The following SAMD4A variants were observed in gnomAD, a reference collection of about 807,000 sequenced individuals.
The protein encoded by SAMD4A is sterile alpha motif domain containing 4A, also known as protein Smaug homolog 1.
SAMD4A carries 33 observed loss-of-function variants against 81.3 expected under a neutral mutation model. That is an observed-to-expected ratio of 0.41 (90% CI 0.31 to 0.54). The LOEUF is 0.54. SAMD4A is among the 20% of genes least tolerant of loss of function. The pLI is 0.37. For missense variants in SAMD4A, 854 were observed against 951.1 expected (o/e 0.90, Z 1.34); for synonymous variants, 389 against 382.1 (o/e 1.02, Z -0.21).
chr14:54,706,476 A>G (rs1334043993), intron 3 of SAMD4A, among the ~76,000 whole-genome samples: 1 of 151,706 alleles, frequency 6.6e-6, no homozygotes. Flanking sequence ...ATGGTGGTGC[A>G]TGCCTGTAAT....
At chr14:54,676,594 G>T (rs1268359305) in intron 2 of SAMD4A, among the ~76,000 whole-genome samples, 2 of 152,068 alleles carry the variant, frequency 1.3e-5, no homozygotes, top group African/African-American at 2.4e-5. Flanking sequence ...TGTTGGCAAG[G>T]CTGGTCTCAA....
chr14:54,566,565 C>T (rs998518289), upstream of SAMD4A, among the ~76,000 whole-genome samples: 3 of 151,730 alleles, frequency 2.0e-5, no homozygotes, highest in African/African-American at 7.2e-5. Flanking sequence ...GTGCCTGCGG[C>T]GCCGATCCGC....
chr14:54,599,832 T>A (rs1340751528), intron 2 of SAMD4A, among the ~76,000 whole-genome samples: 1 of 152,204 alleles, frequency 6.6e-6, no homozygotes, highest in Non-Finnish European at 1.5e-5. Flanking sequence ...ATTCTTCATA[T>A]TACAGGTCAA....
At chr14:54,738,581 G>A (rs1385242583) in intron 4 of SAMD4A, among the ~76,000 whole-genome samples, 3 of 152,232 alleles carry the variant, frequency 2.0e-5, no homozygotes, top group African/African-American at 4.8e-5. Context: ...TGGGTACGAA[G>A]GGGATGTATG....
intron 2 of SAMD4A, chr14:54,681,683 T>C (rs964694711): frequency 2.1e-6 from 1 of 466,494 alleles, no homozygotes; most frequent in Non-Finnish European, 2.8e-6. Context: ...CCTCCCACTT[T>C]GGCCTCCTAA....
intron 2 of SAMD4A, among the ~76,000 whole-genome samples, chr14:54,696,250 C>A (rs2036575398): frequency 6.6e-6 from 1 of 152,176 alleles, no homozygotes; most frequent in Non-Finnish European, 1.5e-5. Context: ...TTTTCAGGTG[C>A]CCTGGGCTGA....
intron 2 of SAMD4A, among the ~76,000 whole-genome samples, chr14:54,600,523 G>T (rs1321350169): frequency 1.3e-5 from 2 of 152,142 alleles, no homozygotes; most frequent in Non-Finnish European, 2.9e-5. Context: ...CAGTGTCTTT[G>T]TGATTGAGTT....
chr14:54,655,965 G>A (rs1477332854), intron 2 of SAMD4A, among the ~76,000 whole-genome samples: 2 of 152,052 alleles, frequency 1.3e-5, no homozygotes, highest in Non-Finnish European at 2.9e-5. Context: ...GTTTTGGTGA[G>A]GAAAGGAGTT....
Position 54,789,222 on chromosome 14 carries a change from G to A in SAMD4A, c.*278G>A. 1 of 534,390 alleles carries A rather than the reference G, an allele frequency of 1.9e-6. No individual in the cohort carries two copies. Among genetic ancestry groups the A allele is most frequent in the Non-Finnish European group, 3.4e-6 (1 of 296,340 alleles). 33.1% of individuals were successfully genotyped at this position (534,390 alleles called of 1,614,324 possible). A position where few individuals can be genotyped will look rare whatever the true frequency, so the allele number is the denominator to read the frequency against. Reference sequence around the variant, plus strand: ...GGAATTATGAGACTGGGAGGGGGGTGGAGGGAATGCAGGTAGCTCTCTGGA... The same window carrying A: ...GGAATTATGAGACTGGGAGGGGGGTAGAGGGAATGCAGGTAGCTCTCTGGA... On this transcript the variant is annotated 3_prime_UTR_variant, in exon 13 of 13. Transcript: ENST00000554335.
At chr14:54,676,079 C>T (rs997254949) in intron 2 of SAMD4A, among the ~76,000 whole-genome samples, 3 of 152,172 alleles carry the variant, frequency 2.0e-5, no homozygotes, top group Admixed American at 6.5e-5. Context: ...AGCAAGGCCG[C>T]GACTCAATAC....
At chr14:54,786,040 A>G (rs74814319) in intron 12 of SAMD4A, among the ~76,000 whole-genome samples, 2,821 of 152,306 alleles carry the variant, frequency 0.019, 79 homozygotes, top group African/African-American at 0.064. Context: ...TTTACCTCAT[A>G]GAGGAGACTG....
chr14:54,675,744 G>A (rs181717980), intron 2 of SAMD4A, among the ~76,000 whole-genome samples: 9 of 152,328 alleles, frequency 5.9e-5, no homozygotes, highest in Admixed American at 1.3e-4. Flanking sequence ...TTTTGAAAGT[G>A]AGGCGAGAGT....
intron 3 of SAMD4A, among the ~76,000 whole-genome samples, chr14:54,719,143 G>C (rs555850250): frequency 1.3e-5 from 2 of 152,220 alleles, no homozygotes; most frequent in South Asian, 2.1e-4. Flanking sequence ...ACAAGGATTT[G>C]AATGGGGCTT....
intron 2 of SAMD4A, among the ~76,000 whole-genome samples, chr14:54,672,080 T>C (rs941177398): frequency 1.3e-5 from 2 of 151,608 alleles, no homozygotes; most frequent in African/African-American, 4.8e-5. Context: ...GAATTTGTTT[T>C]TGTTTTTAAT....
At chr14:54,623,482 G>GAAAAAAAAAAAA (rs1566552666) in intron 2 of SAMD4A, among the ~76,000 whole-genome samples, 1 of 4,086 alleles carries the variant, frequency 2.4e-4, no homozygotes, top group Non-Finnish European at 5.0e-4. Flanking sequence ...TTGGACATCA[G>GAAAAAAAAAAAA]CAAAAAAAAA....
At chr14:54,669,479 G>A (rs2035829988) in intron 2 of SAMD4A, among the ~76,000 whole-genome samples, 3 of 123,888 alleles carry the variant, frequency 2.4e-5, no homozygotes, top group East Asian at 4.9e-4. Flanking sequence ...GAGAGAGACA[G>A]GATCGCACTC....
At chr14:54,687,502 C>G in intron 2 of SAMD4A, 1 of 382,528 alleles carries the variant, frequency 2.6e-6, no homozygotes, top group South Asian at 2.0e-5. Context: ...TAATTCATTC[C>G]CACTGCAAAC....
rs1224592784 is a variant in SAMD4A at position 54,770,039 on chromosome 14, T to C, written c.1597-65T>C. On this transcript the variant is annotated intron_variant, in intron 8 of 12. Coordinates refer to ENST00000554335, the MANE Select transcript of SAMD4A (RefSeq NM_015589.6). ...GACTCCAATGTTTTCCCCTTATTAA[T>C]TGCATGTTTCTCCCTCTAATGCCAG... is the stretch of plus-strand genomic sequence containing the variant. 47 of 999,450 alleles carry C rather than the reference T, an allele frequency of 4.7e-5. No homozygotes were observed. In the East Asian group the frequency reaches 1.1e-3, roughly 23 times the overall value. The allele number at this position is 999,450 out of a possible 1,614,324, so 61.9% of individuals were successfully genotyped here.
intron 2 of SAMD4A, among the ~76,000 whole-genome samples, chr14:54,621,429 G>A (rs1205921654): frequency 1.3e-5 from 2 of 151,982 alleles, no homozygotes; most frequent in Admixed American, 6.6e-5. Flanking sequence ...AGCTCACTGC[G>A]ACCTCCATCC....
Sources: gnomAD v4.1 joint callset for allele counts (sites outside exome capture counted in the v4.1 genomes callset) on GRCh38, gnomAD v4.1.1 for gene constraint, MANE v1.5 for transcripts, NCBI Gene and HGNC (gene_info 2026-07-23, HGNC 2026-07-21) for gene names.